The following CDKL2 variants were observed in gnomAD, a reference collection of about 807,000 sequenced individuals.
CDKL2 encodes cyclin dependent kinase like 2, also known as cyclin-dependent kinase-like 2.
CDKL2 carries 64 observed loss-of-function variants against 63.9 expected under a neutral mutation model. That is an observed-to-expected ratio of 1.00 (90% CI 0.82 to 1.23). CDKL2 has a LOEUF of 1.23. Ranked by LOEUF, CDKL2 falls within the 50% of genes most tolerant of loss-of-function variation. The pLI is 0.00. For synonymous variants in CDKL2, 211 were observed against 229.2 expected (o/e 0.92, Z 0.72); for missense variants, 656 against 668.0 (o/e 0.98, Z 0.20).
At chr4:75,597,366 T>C in intron 8 of CDKL2, 130 bp from the exon 9 acceptor site, 2 of 634,204 alleles carry the variant, frequency 3.2e-6, no homozygotes, top group Non-Finnish European at 5.4e-6. Flanking sequence ...GTTTTCTTTA[T>C]TCTTCCTAGG....
At chr4:75,581,328 G>A (rs941859761) in intron 13 of CDKL2, among the ~76,000 whole-genome samples, 3 of 152,218 alleles carry the variant, frequency 2.0e-5, no homozygotes, top group Admixed American at 2.0e-4. Context: ...TGTAGCCTAG[G>A]AGGAATAGGC....
intron 3 of CDKL2, among the ~76,000 whole-genome samples, chr4:75,608,060 C>T (rs1398019395): frequency 2.0e-5 from 3 of 150,872 alleles, no homozygotes; most frequent in Non-Finnish European, 4.4e-5. Context: ...CGTGATCTGC[C>T]CGCCTCGGCC....
At chr4:75,600,627 T>C (rs1392150233) in intron 6 of CDKL2, among the ~76,000 whole-genome samples, 1 of 152,018 alleles carries the variant, frequency 6.6e-6, no homozygotes, top group Admixed American at 6.6e-5. Flanking sequence ...ACCCAGCTAA[T>C]TTTTGTATTT....
intron 3 of CDKL2, among the ~76,000 whole-genome samples, chr4:75,608,486 A>G (rs1240094348): frequency 2.0e-5 from 3 of 152,116 alleles, no homozygotes; most frequent in Non-Finnish European, 2.9e-5. Context: ...CTCAGCTGAC[A>G]TACTAGGAAG....
In CDKL2 at chr4:75,614,437, C is replaced by A; in HGVS notation, c.181G>T (p.Glu61Ter). The change falls in exon 3 of 14, where the codon GAA becomes TAA. Residue 61 changes from glutamate (E) to a stop codon, truncating the protein, a stop_gained. Coordinates refer to ENST00000307465, the MANE Select transcript of CDKL2 (RefSeq NM_001330724.2). LOFTEE classifies it high-confidence loss of function. Reference sequence around the variant, plus strand: ...ACTTCCAAGAGATTCACCAAGTTTTCATGCCTAAGTTGCTGTTATTAAAAA... The same window carrying A: ...ACTTCCAAGAGATTCACCAAGTTTTAATGCCTAAGTTGCTGTTATTAAAAA... ...EIKLLKQLRHENLVNLLEVCK... is the reference protein window; with the variant it reads ...EIKLLKQLRH 6.4e-7 allele frequency: 1 copy of A among 1,553,678 alleles called. No homozygotes were observed. The highest frequency in any genetic ancestry group is 8.7e-7 in the Non-Finnish European group (1 of 1,145,276).
intron 3 of CDKL2, among the ~76,000 whole-genome samples, chr4:75,610,158 G>C: frequency 6.6e-6 from 1 of 150,900 alleles, no homozygotes; most frequent in Non-Finnish European, 1.5e-5. Context: ...AGCCGAAATC[G>C]AGCCACTGCA....
intron 12 of CDKL2, among the ~76,000 whole-genome samples, chr4:75,589,955 C>G (rs1728640598): frequency 6.6e-6 from 1 of 151,324 alleles, no homozygotes; most frequent in Non-Finnish European, 1.5e-5. Flanking sequence ...GCACTCCAGC[C>G]TGGGCAACAG....
At chr4:75,604,874 G>A (rs535809692) in intron 5 of CDKL2, among the ~76,000 whole-genome samples, 8 of 152,328 alleles carry the variant, frequency 5.3e-5, no homozygotes, top group Non-Finnish European at 8.8e-5. Flanking sequence ...AGTGGCTCAC[G>A]CCTGCAATCC....
chr4:75,596,075 C>G, intron 10 of CDKL2, 172 bp downstream of exon 10: 1 of 415,418 alleles, frequency 2.4e-6, no homozygotes, highest in Non-Finnish European at 4.2e-6. Context: ...CTTAAACTTT[C>G]AGAATTTCAC....
chr4:75,622,200 A>G (rs1730182952), intron 2 of CDKL2, among the ~76,000 whole-genome samples: 1 of 152,192 alleles, frequency 6.6e-6, no homozygotes. Context: ...AGAGAAGTAT[A>G]AATCCAAATA....
chr4:75,624,672 A>G (rs1032541629), intron 2 of CDKL2, among the ~76,000 whole-genome samples: 1 of 151,458 alleles, frequency 6.6e-6, no homozygotes, highest in Non-Finnish European at 1.5e-5. Context: ...AACATGGTGC[A>G]ACTCCGTCTC....
At chr4:75,600,776 A>T (rs574365965) in intron 6 of CDKL2, among the ~76,000 whole-genome samples, 1 of 152,298 alleles carries the variant, frequency 6.6e-6, no homozygotes, top group South Asian at 2.1e-4. Flanking sequence ...AATTTTACAC[A>T]TCAATAATCA....
intron 3 of CDKL2, among the ~76,000 whole-genome samples, chr4:75,613,582 G>T (rs569286962): frequency 6.6e-6 from 1 of 152,238 alleles, no homozygotes; most frequent in East Asian, 1.9e-4. Flanking sequence ...GATACTCAAA[G>T]TATATAAAAT....
chr4:75,582,200 A>C (rs553080646), intron 12 of CDKL2, among the ~76,000 whole-genome samples: 12 of 152,340 alleles, frequency 7.9e-5, no homozygotes, highest in Admixed American at 7.8e-4. Flanking sequence ...TTATTACAAA[A>C]ATACAAAAAC....
chr4:75,624,297 A>G (rs1730300875), intron 2 of CDKL2, among the ~76,000 whole-genome samples: 1 of 152,124 alleles, frequency 6.6e-6, no homozygotes, highest in African/African-American at 2.4e-5. Context: ...CACACCTATA[A>G]TCTGAACACT....
Position 75,607,367 on chromosome 4 carries a change from C to T in CDKL2, c.364-6G>A. 1 of 1,607,034 alleles carries T rather than the reference C, an allele frequency of 6.2e-7. No individual in the cohort carries two copies. The highest frequency in any genetic ancestry group is 8.5e-7 in the Non-Finnish European group (1 of 1,174,876). On this transcript the variant is annotated splice_polypyrimidine_tract_variant and splice_region_variant and intron_variant, in intron 3 of 13. Transcript: ENST00000307465. The stretch of plus-strand genomic sequence containing the variant: ...TTTATATCTCTGTGTATGATCTAGA[C>T]AAGAAGCAGAGTGTGACGGATGTTA...
At chr4:75,605,761 G>A in intron 4 of CDKL2, 127 bp from the exon 5 acceptor site, 1 of 573,982 alleles carries the variant, frequency 1.7e-6, no homozygotes, top group Non-Finnish European at 3.2e-6. Flanking sequence ...CAGATTCTCA[G>A]ATTTGGCATG....
chr4:75,620,763 C>T (rs1040836356), intron 2 of CDKL2, among the ~76,000 whole-genome samples: 4 of 152,050 alleles, frequency 2.6e-5, no homozygotes, highest in African/African-American at 4.8e-5. Flanking sequence ...CAGTGATTGA[C>T]GTTCAGGGGC....
intron 4 of CDKL2, among the ~76,000 whole-genome samples, chr4:75,606,067 C>G (rs1729413879): frequency 6.6e-6 from 1 of 152,158 alleles, no homozygotes; most frequent in South Asian, 2.1e-4. Context: ...CATTTAGAGC[C>G]TATTCATTCT....
Sources: gnomAD v4.1 joint callset for allele counts (sites outside exome capture counted in the v4.1 genomes callset) on GRCh38, gnomAD v4.1.1 for gene constraint, MANE v1.5 for transcripts, NCBI Gene and HGNC (gene_info 2026-07-23, HGNC 2026-07-21) for gene names.